Variants in ENTPD4 observed in about 807,000 individuals in gnomAD.
The protein encoded by ENTPD4 is Golgi UDPase.
In ENTPD4, 60 loss-of-function variants were observed where a neutral mutation model predicts 79.1. That is an observed-to-expected ratio of 0.76 (90% CI 0.62 to 0.94). ENTPD4 has a LOEUF of 0.94. Ranked by LOEUF, ENTPD4 falls within the 40% of genes least tolerant of loss-of-function variation. The pLI is 0.00. For synonymous variants in ENTPD4, 276 were observed against 292.0 expected, an observed-to-expected ratio of 0.95 and a Z score of 0.56; for missense variants, 772 against 775.1, an observed-to-expected ratio of 1.00 and a Z score of 0.05.
In ENTPD4 at chr8:23,444,435, TG is replaced by T; in HGVS notation, c.563+20del. 1 of 1,610,568 alleles carries T rather than the reference TG, an allele frequency of 6.2e-7. No homozygotes were observed. The highest frequency in any genetic ancestry group is 1.1e-5 in the South Asian group (1 of 90,902). ...CCCTCCAGGAACCCACCCTCACCCT[TG>T]CCCTTCTGTGGAGGATCACCTTTCG... On this transcript the variant is annotated intron_variant, in intron 5 of 12. Coordinates refer to ENST00000358689, the MANE Select transcript of ENTPD4 (RefSeq NM_004901.5).
At chr8:23,434,153 TG>T (rs1800512083) in intron 12 of ENTPD4, 163 bp downstream of exon 12, 1 of 808,390 alleles carries the variant, frequency 1.2e-6, no homozygotes, top group Non-Finnish European at 2.0e-6. Flanking sequence ...GAAGCACTTG[TG>T]GGGAGGGGGC....
chr8:23,446,300 A>C (rs973589292), intron 4 of ENTPD4, among the ~76,000 whole-genome samples: 2 of 152,228 alleles, frequency 1.3e-5, no homozygotes, highest in African/African-American at 4.8e-5. Context: ...GGAAGTTTTC[A>C]TCTTATTCCA....
At chr8:23,438,361 T>C (rs1053125509) in intron 9 of ENTPD4, among the ~76,000 whole-genome samples, 1 of 152,236 alleles carries the variant, frequency 6.6e-6, no homozygotes, top group Admixed American at 6.5e-5. Context: ...TTACTCATCA[T>C]GCAGTTGAAT....
At chr8:23,455,130 T>A (rs534610730) in intron 1 of ENTPD4, among the ~76,000 whole-genome samples, 1 of 152,184 alleles carries the variant, frequency 6.6e-6, no homozygotes, top group East Asian at 1.9e-4. Context: ...AGTCTCTCAC[T>A]GACAGTTCTA....
rs201256510 is a variant in ENTPD4 at position 23,439,813 on chromosome 8, C to T, written c.985G>A (p.Gly329Ser). 3.2e-5 allele frequency: 52 copies of T among 1,614,018 alleles called. No homozygotes were observed. Among genetic ancestry groups the T allele is most frequent in the Admixed American group, 1.7e-5 (1 of 59,996 alleles). ...RVYVATFLGF[G>S]GNAARQRYED... ...TATCTCTGTCGAGCAGCATTGCCAC[C>T]AAACCCAAGAAACGTGGCCACATAG... is the stretch of plus-strand genomic sequence containing the variant. Residue 329 changes from glycine (G) to serine (S), a missense_variant, in exon 9 of 13, where the codon GGT (glycine) becomes AGT (serine). Physicochemically the swap from Gly to Ser is moderately conservative, Grantham distance 56. Transcript: ENST00000358689.
chr8:23,440,577 T>C (rs965400787), intron 8 of ENTPD4, among the ~76,000 whole-genome samples: 8 of 152,094 alleles, frequency 5.3e-5, no homozygotes, highest in Non-Finnish European at 7.4e-5. Context: ...TTACAAAGAG[T>C]GTAACAGTCT....
chr8:23,441,981 A>G, intron 7 of ENTPD4, 26 bp downstream of exon 7: 1 of 1,584,000 alleles, frequency 6.3e-7, no homozygotes, highest in Non-Finnish European at 8.7e-7. Context: ...CCAACTAGAT[A>G]CATTTGTTGG....
chr8:23,431,585 T>C lies in ENTPD4; in HGVS notation c.*1341A>G. 1.0e-6 allele frequency: 1 copy of C among 985,440 alleles called. No homozygotes were observed. Among genetic ancestry groups the C allele is most frequent in the Non-Finnish European group, 1.2e-6 (1 of 829,940 alleles). The allele number at this position is 985,440 out of a possible 1,614,324, so 61.0% of individuals were successfully genotyped here. On this transcript the variant is annotated 3_prime_UTR_variant, in exon 13 of 13. Coordinates refer to ENST00000358689, the MANE Select transcript of ENTPD4 (RefSeq NM_004901.5). ...AGACTCTTCCCTTCTGGATTTACAG[T>C]GGTGCTGCCAGCAACAGCCTCAGTC...
rs546731047 is a variant in ENTPD4 at position 23,457,451 on chromosome 8, C to G, written c.-98+106G>C. ...TGTGGGGGCCTGGGGCAGAGAGGCT[C>G]GTCCGCGGCCCGCTCGCCGCGCCGC... is the stretch of plus-strand genomic sequence containing the variant. On this transcript the variant is annotated intron_variant, in intron 1 of 12. Coordinates refer to ENST00000358689, the MANE Select transcript of ENTPD4 (RefSeq NM_004901.5). The G allele has an allele frequency of 4.9e-3, 537 of 109,898 alleles. 2 individuals carry two copies. Among genetic ancestry groups the G allele is most frequent in the South Asian group, 0.014 (57 of 3,940 alleles). 6.8% of individuals were successfully genotyped at this position (109,898 alleles called of 1,614,324 possible).
intron 2 of ENTPD4, among the ~76,000 whole-genome samples, 178 bp downstream of exon 2, chr8:23,449,715 C>T (rs1800825396): frequency 6.6e-6 from 1 of 152,134 alleles, no homozygotes; most frequent in Admixed American, 6.5e-5. Flanking sequence ...TACTCTTCAC[C>T]TTGAAGAGTG....
intron 1 of ENTPD4, among the ~76,000 whole-genome samples, chr8:23,453,636 T>C (rs770648784): frequency 5.9e-5 from 9 of 152,132 alleles, no homozygotes; most frequent in Non-Finnish European, 1.0e-4. Flanking sequence ...CTGGTGATAC[T>C]TGGCTAACAG....
Position 23,432,082 on chromosome 8 carries a change from C to T in ENTPD4, c.*844G>A, listed in dbSNP as rs1301858577. ...TTATAAATGGTTATCTCCTGGTGCC[C>T]ATGTTTCTCTGTTTTGGATATAAAT... On this transcript the variant is annotated 3_prime_UTR_variant, in exon 13 of 13. Coordinates refer to ENST00000358689, the MANE Select transcript of ENTPD4 (RefSeq NM_004901.5). The T allele has an allele frequency of 2.0e-6, 2 of 984,984 alleles. No homozygotes were observed. The highest frequency in any genetic ancestry group is 5.2e-4 in the Middle Eastern group (1 of 1,936). The allele number at this position is 984,984 out of a possible 1,614,324, so 61.0% of individuals were successfully genotyped here.
At position 23,432,396 on chromosome 8, in the gene ENTPD4, G is replaced by A; in HGVS notation, c.*530C>T. ...CTCATTTATTTTTGGCAGATATCCT[G>A]TGCAGCAAAAATCAAGTGAATTTCC... is the stretch of plus-strand genomic sequence containing the variant. On this transcript the variant is annotated 3_prime_UTR_variant, in exon 13 of 13. Transcript: ENST00000358689. The A allele has an allele frequency of 1.1e-5, 11 of 985,792 alleles. No homozygotes were observed. The highest frequency in any genetic ancestry group is 1.3e-5 in the Non-Finnish European group (11 of 830,288). The allele number at this position is 985,792 out of a possible 1,614,324, so 61.1% of individuals were successfully genotyped here. A position where few individuals can be genotyped will look rare whatever the true frequency, so the allele number is the denominator to read the frequency against.
chr8:23,440,497 T>C (rs1800649253), intron 8 of ENTPD4, among the ~76,000 whole-genome samples: 1 of 152,256 alleles, frequency 6.6e-6, no homozygotes, highest in Admixed American at 6.5e-5. Flanking sequence ...ATCTTGATTT[T>C]TCAGTATTTA....
At position 23,443,959 on chromosome 8, in the gene ENTPD4, A is replaced by G. The variant is rs888247885; in HGVS notation, c.564-6T>C. On this transcript the variant is annotated splice_region_variant and splice_polypyrimidine_tract_variant and intron_variant, in intron 5 of 12. Transcript: ENST00000358689. ...CCAGAATAGCTTTCTGCTGGCTGTA[A>G]AGTAATAAAAACATTTACAAATCAA... The G allele has an allele frequency of 2.5e-6, 4 of 1,573,164 alleles. No individual in the cohort carries two copies. The African/African-American group carries it at 5.4e-5, about 21-fold the overall frequency.
At chr8:23,439,526 AGC>A in intron 9 of ENTPD4, among the ~76,000 whole-genome samples, 1 of 152,290 alleles carries the variant, frequency 6.6e-6, no homozygotes, top group East Asian at 1.9e-4. Context: ...CGGGTGAGAG[AGC>A]GCACGCACAC....
intron 11 of ENTPD4, 33 bp downstream of exon 11, chr8:23,435,359 A>G (rs1800537845): frequency 2.0e-6 from 3 of 1,515,134 alleles, no homozygotes; most frequent in Middle Eastern, 2.0e-4. Flanking sequence ...ATGGTTCTTA[A>G]GAGTGCCCTG....
rs1266287494 is a variant in ENTPD4 at position 23,433,002 on chromosome 8, G to A, written c.1775C>T (p.Thr592Ile). The A allele has an allele frequency of 1.9e-6, 3 of 1,613,874 alleles. No homozygotes were observed. The highest frequency in any genetic ancestry group is 2.2e-5 in the South Asian group (2 of 91,086). The change falls in exon 13 of 13, where the codon ACT becomes ATT. Residue 592 changes from threonine to isoleucine, a missense_variant. Transcript: ENST00000358689. Reference protein sequence around the residue: ...LLRLRRIHRRTPRSSSAAALW... With the variant: ...LLRLRRIHRRIPRSSSAAALW... ...GGCGGCGGCCGAGCTGCTCCGGGGAGTGCGCCTGTGGATGCGCCGCAGCCG... is the reference window on the plus strand; with the variant it reads ...GGCGGCGGCCGAGCTGCTCCGGGGAATGCGCCTGTGGATGCGCCGCAGCCG...
chr8:23,439,970 T>C lies in ENTPD4; in HGVS notation c.883-55A>G, dbSNP rs936434116. 4.7e-6 allele frequency: 7 copies of C among 1,503,044 alleles called. No homozygotes were observed. In the African/African-American group the frequency reaches 7.0e-5, roughly 15 times the overall value. The allele number at this position is 1,503,044 out of a possible 1,614,324, so 93.1% of individuals were successfully genotyped here. Reference sequence around the variant, plus strand: ...AGCTTAAGCTACTTTAGCCTCCTACTAAAAAGAAAAGTCTAAAAATAGTCT... The same window carrying C: ...AGCTTAAGCTACTTTAGCCTCCTACCAAAAAGAAAAGTCTAAAAATAGTCT... On this transcript the variant is annotated intron_variant, in intron 8 of 12. Coordinates refer to ENST00000358689, the MANE Select transcript of ENTPD4 (RefSeq NM_004901.5).
Sources: allele counts gnomAD v4.1 joint callset (sites outside exome capture counted in the v4.1 genomes callset), GRCh38; gene constraint gnomAD v4.1.1; transcripts MANE v1.5; gene names NCBI Gene and HGNC (gene_info 2026-07-23, HGNC 2026-07-21).